The following CAPZA2 variants were observed in gnomAD, a reference collection of about 807,000 sequenced individuals.
CAPZA2 encodes the protein F-actin-capping protein subunit alpha-2.
A neutral mutation model predicts 44.0 loss-of-function variants in CAPZA2; 13 were observed. The ratio of observed to expected loss-of-function variants is 0.30; its 90% CI spans 0.19 to 0.47. CAPZA2 has a LOEUF of 0.47. CAPZA2 is among the 20% of genes least tolerant of loss of function. CAPZA2 has a pLI of 1.00. For missense variants in CAPZA2, 244 were observed against 338.6 expected (o/e 0.72, Z 2.19); for synonymous variants, 94 against 108.2 (o/e 0.87, Z 0.81).
intron 1 of CAPZA2, among the ~76,000 whole-genome samples, chr7:116,876,832 C>T (rs1796628664): frequency 6.6e-6 from 1 of 152,204 alleles, no homozygotes; most frequent in African/African-American, 2.4e-5. Flanking sequence ...AGAGAGGAGA[C>T]AGCACACCAC....
In CAPZA2 at chr7:116,904,350, C is replaced by T. The variant is rs377102966; in HGVS notation, c.393C>T (p.Tyr131=). The T allele has an allele frequency of 1.1e-5, 17 of 1,612,784 alleles. No homozygotes were observed. The highest frequency in any genetic ancestry group is 2.2e-5 in the East Asian group (1 of 44,850). Residue 131 remains tyrosine (Y), a synonymous_variant, in exon 5 of 10, where the codon TAC becomes TAT. Coordinates refer to ENST00000361183, the MANE Select transcript of CAPZA2 (RefSeq NM_006136.3). ...CAGTAGAAACTGCTCTGAGAGCTTA[C>T]GTAAAAGAACATTACCCGAATGGAG... ...RTSVETALRA[Y]VKEHYPNGVC... is the part of the protein sequence containing the mutation.
In CAPZA2 at chr7:116,920,394, TCAGGGAGAA is replaced by T. The variant is rs796486293; in HGVS notation, c.*2531_*2539del. 1.4e-4 allele frequency: 21 copies of T among 152,336 alleles called. No individual in the cohort carries two copies. Among genetic ancestry groups the T allele is most frequent in the African/African-American group, 5.1e-4 (21 of 41,542 alleles). The allele number at this position is 152,336 out of a possible 1,614,324, so 9.4% of individuals were successfully genotyped here. ...CTGAAGTGTGGTGGCAAAGGCATAATCAGGGAGAACAGCTAGGAGACTACTGCAGTAATC... is the reference window on the plus strand; with the variant it reads ...CTGAAGTGTGGTGGCAAAGGCATAATCAGCTAGGAGACTACTGCAGTAATC... On this transcript the variant is annotated 3_prime_UTR_variant, in exon 10 of 10. Coordinates refer to ENST00000361183, the MANE Select transcript of CAPZA2 (RefSeq NM_006136.3).
At chr7:116,887,130 GTTC>G (rs1806431489) in intron 1 of CAPZA2, among the ~76,000 whole-genome samples, 1 of 151,820 alleles carries the variant, frequency 6.6e-6, no homozygotes, top group Admixed American at 6.6e-5. Flanking sequence ...GTATGTCATT[GTTC>G]TTCATTTTAT....
intron 1 of CAPZA2, 41 bp from the exon 2 acceptor site, chr7:116,888,086 G>T: frequency 7.1e-7 from 1 of 1,416,936 alleles, no homozygotes. Flanking sequence ...TTTAGCAGAA[G>T]CCTGTGATAT....
At chr7:116,883,143 T>A (rs1283863841) in intron 1 of CAPZA2, among the ~76,000 whole-genome samples, 2 of 152,218 alleles carry the variant, frequency 1.3e-5, no homozygotes, top group East Asian at 1.9e-4. Flanking sequence ...AGATTCTTTT[T>A]AAAAAGCTAT....
At chr7:116,910,631 G>A (rs554876072) in intron 7 of CAPZA2, among the ~76,000 whole-genome samples, 76 of 152,252 alleles carry the variant, frequency 5.0e-4, no homozygotes, top group Non-Finnish European at 9.6e-4. Flanking sequence ...TCTCTCCTCT[G>A]AATTGGGTGG....
chr7:116,890,719 A>G (rs1488852803), intron 2 of CAPZA2, among the ~76,000 whole-genome samples: 3 of 118,640 alleles, frequency 2.5e-5, no homozygotes, highest in Non-Finnish European at 4.9e-5. Context: ...CGGAGGTTAC[A>G]TTGAGTCAAG....
chr7:116,902,531 G>T (rs1797009844), intron 4 of CAPZA2, among the ~76,000 whole-genome samples: 1 of 152,120 alleles, frequency 6.6e-6, no homozygotes. Flanking sequence ...GAGCTATAGT[G>T]CCTATCATTG....
intron 4 of CAPZA2, among the ~76,000 whole-genome samples, chr7:116,899,094 T>C (rs1246994899): frequency 6.6e-6 from 1 of 152,038 alleles, no homozygotes; most frequent in Non-Finnish European, 1.5e-5. Flanking sequence ...TTCTTATTTT[T>C]TTCTGGGAAA....
chr7:116,917,704 CT>C (rs1197760063), intron 9 of CAPZA2, 22 bp from the exon 10 acceptor site: 1 of 1,556,584 alleles, frequency 6.4e-7, no homozygotes, highest in Non-Finnish European at 8.9e-7. Context: ...TTACTTTAAA[CT>C]TCTAACTATT....
intron 5 of CAPZA2, among the ~76,000 whole-genome samples, chr7:116,905,609 A>T (rs905690693): frequency 6.6e-6 from 1 of 152,218 alleles, no homozygotes; most frequent in African/African-American, 2.4e-5. Context: ...CATAACCTCA[A>T]ATATCTTATG....
At chr7:116,865,178 T>TG (rs1491164189) in intron 1 of CAPZA2, among the ~76,000 whole-genome samples, 1 of 84,178 alleles carries the variant, frequency 1.2e-5, no homozygotes, top group Non-Finnish European at 2.4e-5. Flanking sequence ...CGCTCTCTTC[T>TG]TTTTTTTTTT....
chr7:116,863,842 C>T (rs933294967), intron 1 of CAPZA2, among the ~76,000 whole-genome samples: 2 of 152,048 alleles, frequency 1.3e-5, no homozygotes, highest in Admixed American at 6.6e-5. Flanking sequence ...TCATTTAGGA[C>T]CCTCTGCTCT....
chr7:116,915,108 T>C (rs1791662108), intron 8 of CAPZA2, among the ~76,000 whole-genome samples: 1 of 151,968 alleles, frequency 6.6e-6, no homozygotes, highest in Admixed American at 6.6e-5. Context: ...CGAAACCTCG[T>C]CTCTACTAAA....
At chr7:116,896,485 G>A (rs547931573) in intron 3 of CAPZA2, among the ~76,000 whole-genome samples, 1 of 152,172 alleles carries the variant, frequency 6.6e-6, no homozygotes, top group East Asian at 1.9e-4. Flanking sequence ...CATGTGAAAG[G>A]GCTTTATAAC....
chr7:116,913,349 T>C (rs1443566237), intron 8 of CAPZA2, among the ~76,000 whole-genome samples: 5 of 152,208 alleles, frequency 3.3e-5, no homozygotes, highest in Non-Finnish European at 1.5e-5. Flanking sequence ...GTCGTGGAGA[T>C]CTACTCCAGT....
intron 1 of CAPZA2, among the ~76,000 whole-genome samples, chr7:116,885,448 G>A (rs980675479): frequency 6.6e-6 from 1 of 151,886 alleles, no homozygotes; most frequent in Non-Finnish European, 1.5e-5. Context: ...GTTCTACAGC[G>A]GACACCAGCT....
At chr7:116,917,597 A>T (rs529982375) in intron 9 of CAPZA2, 130 bp from the exon 10 acceptor site, 143 of 716,376 alleles carry the variant, frequency 2.0e-4, no homozygotes, top group Middle Eastern at 1.1e-3. Flanking sequence ...CAATGTTGGG[A>T]TTTTATTTGA....
chr7:116,891,960 C>A lies in CAPZA2; in HGVS notation c.104-1034C>A, dbSNP rs943742629. 7.9e-5 allele frequency among the ~76,000 whole-genome samples: 12 copies of A among 152,242 alleles called. No homozygotes were observed. The South Asian group carries it at 2.5e-3, about 32-fold the overall frequency. On this transcript the variant is annotated intron_variant, in intron 2 of 9. Coordinates refer to ENST00000361183, the MANE Select transcript of CAPZA2 (RefSeq NM_006136.3). ...AAAGTACAAAAAAGAATCTAAACTT[C>A]ACAAAAAATTCTACCTTCCAGTTCC...
Sources: gnomAD v4.1 joint callset for allele counts (sites outside exome capture counted in the v4.1 genomes callset) on GRCh38, gnomAD v4.1.1 for gene constraint, MANE v1.5 for transcripts, NCBI Gene and HGNC (gene_info 2026-07-23, HGNC 2026-07-21) for gene names.